Variants in CERS3 observed in about 807,000 individuals in gnomAD.
CERS3 encodes the protein ceramide synthase 3, also known as LAG1 homolog, ceramide synthase 3.
CERS3 carries 33 observed loss-of-function variants against 50.3 expected under a neutral mutation model. That is an observed-to-expected ratio of 0.66 (90% CI 0.50 to 0.88). The LOEUF (loss-of-function observed/expected upper bound fraction) is 0.88. CERS3 is among the 40% of genes least tolerant of loss of function. The probability of loss-of-function intolerance (pLI) is 0.00; values close to 1 mark genes in which losing one functional copy is unlikely to be tolerated. For missense variants in CERS3, 470 were observed against 460.3 expected (o/e 1.02, Z -0.19); for synonymous variants, 176 against 155.2 (o/e 1.13, Z -0.99).
chr15:100,437,021 G>A (rs1035311651), intron 11 of CERS3, among the ~76,000 whole-genome samples: 9 of 148,004 alleles, frequency 6.1e-5, no homozygotes, highest in Non-Finnish European at 1.3e-4. Context: ...TCCACTCACT[G>A]CAAGCTCCGC....
At position 100,438,797 on chromosome 15, in the gene CERS3, C is replaced by T. The variant is rs115274729; in HGVS notation, c.999+17096G>A. On this transcript the variant is annotated intron_variant, in intron 11 of 11. Coordinates refer to ENST00000679737, the MANE Select transcript of CERS3 (RefSeq NM_001378789.1). Reference sequence around the variant, plus strand: ...TGTGTCTGCATGCTACAGTTCCCCCCGCACGTCTTGACTACTCACCAGCAC... The same window carrying T: ...TGTGTCTGCATGCTACAGTTCCCCCTGCACGTCTTGACTACTCACCAGCAC... 6.7e-3 allele frequency among the ~76,000 whole-genome samples: 1,025 copies of T among 152,338 alleles called. 8 individuals carry two copies. The highest frequency in any genetic ancestry group is 0.022 in the African/African-American group (926 of 41,580).
intron 11 of CERS3, among the ~76,000 whole-genome samples, chr15:100,429,176 A>C (rs72757283): frequency 0.057 from 8,716 of 152,286 alleles, 367 homozygotes; most frequent in Non-Finnish European, 0.082. Flanking sequence ...GCAGTGTATC[A>C]GTGAGAAAAC....
rs536395650 is a variant in CERS3 at position 100,473,292 on chromosome 15, A to G, written c.610-240T>C. 7.9e-5 allele frequency among the ~76,000 whole-genome samples: 12 copies of G among 152,318 alleles called. No homozygotes were observed. In the East Asian group the frequency reaches 2.3e-3, roughly 29 times the overall value. On this transcript the variant is annotated intron_variant, in intron 8 of 11. Coordinates refer to ENST00000679737, the MANE Select transcript of CERS3 (RefSeq NM_001378789.1). ...ACACTGGATATATGTGTACACACAC[A>G]CTGCCCCCCAACACACAATAAATGC... is the stretch of plus-strand genomic sequence containing the variant.
intron 2 of CERS3, among the ~76,000 whole-genome samples, chr15:100,517,248 A>G (rs926715290): frequency 3.9e-5 from 6 of 152,274 alleles, no homozygotes; most frequent in East Asian, 3.8e-4. Context: ...TGCCTGGCAC[A>G]TGGCAAGTGC....
At chr15:100,413,510 GAC>G (rs2031644090) in intron 11 of CERS3, among the ~76,000 whole-genome samples, 2 of 149,652 alleles carry the variant, frequency 1.3e-5, no homozygotes, top group African/African-American at 4.9e-5. Flanking sequence ...CACAACTGAC[GAC>G]TATACTATAC....
At chr15:100,432,380 A>G (rs2033179574) in intron 11 of CERS3, among the ~76,000 whole-genome samples, 1 of 152,212 alleles carries the variant, frequency 6.6e-6, no homozygotes, top group South Asian at 2.1e-4. Context: ...ACTTCCAACA[A>G]AAACGAAAAA....
chr15:100,454,049 G>A (rs1204285623), intron 11 of CERS3, among the ~76,000 whole-genome samples: 1 of 152,154 alleles, frequency 6.6e-6, no homozygotes, highest in Non-Finnish European at 1.5e-5. Flanking sequence ...TCATTAAAAT[G>A]ACCAGACTGC....
chr15:100,513,007 A>C (rs1454151220), intron 2 of CERS3, among the ~76,000 whole-genome samples: 1 of 152,188 alleles, frequency 6.6e-6, no homozygotes, highest in African/African-American at 2.4e-5. Flanking sequence ...TACTAAACAT[A>C]ATTGGGATAT....
rs1306020364 is a variant in CERS3, at chr15:100,493,858, T to C, written c.174-2927A>G. Reference sequence around the variant, plus strand: ...TCTTTGTTATAATTTATAGTTTCAATTACTTTATTGATGTTCTTGATTTGG... The same window carrying C: ...TCTTTGTTATAATTTATAGTTTCAACTACTTTATTGATGTTCTTGATTTGG... On this transcript the variant is annotated intron_variant, in intron 3 of 11. Transcript: ENST00000679737. 4.3e-4 allele frequency among the ~76,000 whole-genome samples: 65 copies of C among 152,148 alleles called. 2 individuals carry two copies. Among genetic ancestry groups the C allele is most frequent in the Admixed American group, 4.3e-3 (65 of 15,272 alleles).
chr15:100,523,069 C>T (rs1189157340), intron 1 of CERS3, among the ~76,000 whole-genome samples: 1 of 152,194 alleles, frequency 6.6e-6, no homozygotes, highest in Non-Finnish European at 1.5e-5. Flanking sequence ...CTGCATTCCC[C>T]AGAAAGCTAA....
chr15:100,515,458 A>G (rs1446193785), intron 2 of CERS3, among the ~76,000 whole-genome samples: 9 of 152,174 alleles, frequency 5.9e-5, no homozygotes, highest in Admixed American at 5.2e-4. Flanking sequence ...CTTCACCTTA[A>G]TCCGCTTGGG....
At chr15:100,436,285 T>G (rs1446007346) in intron 11 of CERS3, among the ~76,000 whole-genome samples, 1 of 152,280 alleles carries the variant, frequency 6.6e-6, no homozygotes, top group South Asian at 2.1e-4. Context: ...TGGAATACTA[T>G]GCAGCCATAA....
chr15:100,430,827 G>GT (rs1047090313), intron 11 of CERS3, among the ~76,000 whole-genome samples: 7 of 152,250 alleles, frequency 4.6e-5, no homozygotes, highest in South Asian at 2.1e-4. Flanking sequence ...AACAAATTGA[G>GT]TTTTTTCCCC....
At chr15:100,408,026 T>C (rs2585247) in intron 11 of CERS3, among the ~76,000 whole-genome samples, 145,014 of 152,168 alleles carry the variant, frequency 0.95, 69,522 homozygotes, top group East Asian at 1. Flanking sequence ...CGGCCACCAC[T>C]GTGCCTGGCT....
chr15:100,472,452 TA>T (rs556114528), intron 9 of CERS3, among the ~76,000 whole-genome samples: 2 of 141,290 alleles, frequency 1.4e-5, no homozygotes, highest in East Asian at 4.6e-4. Flanking sequence ...ATGAGGGCCT[TA>T]AAAAAAATCA....
At chr15:100,429,623 T>C (rs1415719328) in intron 11 of CERS3, among the ~76,000 whole-genome samples, 1 of 152,182 alleles carries the variant, frequency 6.6e-6, no homozygotes, top group African/African-American at 2.4e-5. Flanking sequence ...GAAGTCTGTG[T>C]ACTCCCTTCA....
intron 11 of CERS3, among the ~76,000 whole-genome samples, chr15:100,451,158 C>T (rs1361543481): frequency 6.6e-6 from 1 of 151,476 alleles, no homozygotes; most frequent in African/African-American, 2.4e-5. Context: ...AGAGAAAGGA[C>T]TCAAATGTTA....
chr15:100,514,184 T>C (rs553849308), intron 2 of CERS3, among the ~76,000 whole-genome samples: 1 of 152,300 alleles, frequency 6.6e-6, no homozygotes, highest in South Asian at 2.1e-4. Context: ...AATGAGTAAG[T>C]GGGTAAATGC....
At chr15:100,480,260 G>A (rs999944379) in intron 5 of CERS3, among the ~76,000 whole-genome samples, 5 of 152,094 alleles carry the variant, frequency 3.3e-5, no homozygotes, top group African/African-American at 1.2e-4. Flanking sequence ...TGTAAAATGA[G>A]AATAAGAACA....
Sources: allele counts gnomAD v4.1 joint callset (sites outside exome capture counted in the v4.1 genomes callset), GRCh38; gene constraint gnomAD v4.1.1; transcripts MANE v1.5; gene names NCBI Gene and HGNC (gene_info 2026-07-23, HGNC 2026-07-21).